The following SKIC3 variants were observed in gnomAD, a reference collection of about 807,000 sequenced individuals.
The protein encoded by SKIC3 is SKI3 subunit of superkiller complex, also known as superkiller complex protein 3.
At chr5:95,553,797 G>A in the SKIC3 span, among the ~76,000 whole-genome samples, 6 of 152,228 alleles carry the variant, frequency 3.9e-5, no homozygotes, top group African/African-American at 7.2e-5. Flanking sequence ...AACCTTCGGT[G>A]ATCCGCCCGT....
chr5:95,525,306 C>T, the SKIC3 span: 1 of 1,196,542 alleles, frequency 8.4e-7, no homozygotes, highest in Non-Finnish European at 1.2e-6. Flanking sequence ...CATGAAAAAT[C>T]AAATCTTCAT....
chr5:95,485,418 G>A, the SKIC3 span, among the ~76,000 whole-genome samples: 2,109 of 152,246 alleles, frequency 0.014, 25 homozygotes, highest in Non-Finnish European at 0.021. Context: ...TCTTTCACAG[G>A]TGCTAATATG....
the SKIC3 span, among the ~76,000 whole-genome samples, chr5:95,518,361 T>C: frequency 4.6e-5 from 7 of 152,102 alleles, no homozygotes; most frequent in African/African-American, 1.7e-4. Context: ...ATATTATTGT[T>C]AACTACAGTC....
chr5:95,464,275 T>C, the SKIC3 span: 2 of 195,530 alleles, frequency 1.0e-5, no homozygotes, highest in Non-Finnish European at 2.1e-5. Flanking sequence ...TATTAAGGCT[T>C]TATTGTAAGG....
the SKIC3 span, among the ~76,000 whole-genome samples, chr5:95,532,632 C>A: frequency 3.3e-5 from 5 of 152,108 alleles, no homozygotes; most frequent in African/African-American, 1.2e-4. Context: ...GCTTTTGAAT[C>A]TTATTCATTG....
chr5:95,529,162 A>T, the SKIC3 span: 1 of 1,380,864 alleles, frequency 7.2e-7, no homozygotes, highest in Non-Finnish European at 1.0e-6. Context: ...GATGAACAGC[A>T]CCAATGCCTA....
chr5:95,516,709 TAA>T, the SKIC3 span: 1 of 1,613,436 alleles, frequency 6.2e-7, no homozygotes, highest in Non-Finnish European at 8.5e-7. Context: ...CATTCCAGTA[TAA>T]GTGATTATTA....
the SKIC3 span, chr5:95,482,693 G>C: frequency 6.3e-7 from 1 of 1,580,732 alleles, no homozygotes; most frequent in South Asian, 1.1e-5. Context: ...AAAGTAAAAA[G>C]CATTATTCTC....
chr5:95,500,000 A>G, the SKIC3 span, among the ~76,000 whole-genome samples: 1 of 152,158 alleles, frequency 6.6e-6, no homozygotes, highest in Admixed American at 6.5e-5. Flanking sequence ...TGTAATAAAA[A>G]TAAAGGAATT....
At chr5:95,499,151 A>G in the SKIC3 span, among the ~76,000 whole-genome samples, 2 of 152,172 alleles carry the variant, frequency 1.3e-5, no homozygotes, top group Non-Finnish European at 2.9e-5. Context: ...CACCTAAGTG[A>G]TATGGTTTGG....
the SKIC3 span, chr5:95,523,386 C>G: frequency 2.6e-6 from 4 of 1,517,534 alleles, no homozygotes; most frequent in Non-Finnish European, 2.7e-6. Flanking sequence ...ACAGAACGCT[C>G]ATGTAAAGTA....
At chr5:95,538,489 A>C in the SKIC3 span, among the ~76,000 whole-genome samples, 3 of 152,164 alleles carry the variant, frequency 2.0e-5, no homozygotes, top group African/African-American at 7.2e-5. Context: ...ACACATGAAC[A>C]AATGAACAAA....
chr5:95,480,283 C>A, the SKIC3 span, among the ~76,000 whole-genome samples: 3 of 151,716 alleles, frequency 2.0e-5, no homozygotes, highest in Non-Finnish European at 4.4e-5. Flanking sequence ...ATAAAGGCAG[C>A]CATAGGTGTA....
At chr5:95,506,497 A>T in the SKIC3 span, among the ~76,000 whole-genome samples, 2 of 152,120 alleles carry the variant, frequency 1.3e-5, no homozygotes, top group Non-Finnish European at 2.9e-5. Flanking sequence ...AAGTCTCTGA[A>T]AAACTGAGGA....
At chr5:95,492,348 G>T in the SKIC3 span, among the ~76,000 whole-genome samples, 1 of 149,992 alleles carries the variant, frequency 6.7e-6, no homozygotes, top group Non-Finnish European at 1.5e-5. Context: ...TATAAAACAA[G>T]ACAACTGGCC....
At chr5:95,552,639 A>T in the SKIC3 span, among the ~76,000 whole-genome samples, 1 of 152,142 alleles carries the variant, frequency 6.6e-6, no homozygotes, top group Non-Finnish European at 1.5e-5. Flanking sequence ...CTTTCCAAAG[A>T]GGGCTTTCGG....
the SKIC3 span, chr5:95,464,580 GC>G: frequency 9.6e-6 from 15 of 1,556,350 alleles, no homozygotes; most frequent in Non-Finnish European, 1.2e-5. Flanking sequence ...CTTTTTCTTT[GC>G]TTCCTTACTA....
At chr5:95,516,727 G>A in the SKIC3 span, 13 of 1,613,024 alleles carry the variant, frequency 8.1e-6, no homozygotes, top group African/African-American at 2.7e-5. Flanking sequence ...TATTACTGTC[G>A]AGTCTCACTG....
At chr5:95,481,783 T>C in the SKIC3 span, among the ~76,000 whole-genome samples, 1 of 152,120 alleles carries the variant, frequency 6.6e-6, no homozygotes, top group Non-Finnish European at 1.5e-5. Context: ...TTTCAAATTA[T>C]CTAAAGCAGG....
Sources: allele counts gnomAD v4.1 joint callset (sites outside exome capture counted in the v4.1 genomes callset), GRCh38; gene constraint gnomAD v4.1.1; transcripts MANE v1.5; gene names NCBI Gene and HGNC (gene_info 2026-07-23, HGNC 2026-07-21).